TAOK1: variants seen among roughly 807,000 people sequenced by gnomAD.
TAOK1 encodes the protein TAO kinase 1.
In TAOK1, 21 loss-of-function variants were observed where a neutral mutation model predicts 138.3. The observed-to-expected ratio is 0.15, with a 90% CI of 0.11 to 0.22. TAOK1 has a LOEUF of 0.22. TAOK1 is among the 10% of genes least tolerant of loss of function. The probability of loss-of-function intolerance (pLI) is 1.00; values close to 1 mark genes in which losing one functional copy is unlikely to be tolerated. For missense variants in TAOK1, 651 were observed against 1,227.7 expected, an observed-to-expected ratio of 0.53 and a Z score of 7.02; for synonymous variants, 361 against 398.4, an observed-to-expected ratio of 0.91 and a Z score of 1.12.
At chr17:29,458,275 A>T (rs1197094061) in intron 2 of TAOK1, among the ~76,000 whole-genome samples, 1 of 152,246 alleles carries the variant, frequency 6.6e-6, no homozygotes, top group African/African-American at 2.4e-5. Context: ...TTTTGATTTC[A>T]GTAAATATCA....
intron 1 of TAOK1, among the ~76,000 whole-genome samples, chr17:29,432,016 G>A (rs531004672): frequency 1.6e-4 from 25 of 152,088 alleles, no homozygotes; most frequent in African/African-American, 5.3e-4. Context: ...GACCAGCTCC[G>A]TGTGCGGAGA....
At chr17:29,494,840 A>G (rs1450043057) in intron 10 of TAOK1, among the ~76,000 whole-genome samples, 1 of 151,824 alleles carries the variant, frequency 6.6e-6, no homozygotes, top group Non-Finnish European at 1.5e-5. Context: ...AAAAAAAAAA[A>G]AAAAAAAAGA....
Position 29,510,892 on chromosome 17 carries a change from A to G in TAOK1, c.1604A>G (p.Lys535Arg). ...EAKVMSNEEK[K>R]FQQHIQAQQK... ...AAAGTGATGTCCAATGAAGAGAAAA[A>G]ATTTCAGCAACATATTCAGGCCCAA... Residue 535 changes from lysine (K) to arginine (R), a missense_variant, in exon 15 of 20, where the codon AAA becomes AGA. By Grantham distance (26) the Lys-to-Arg change is conservative. Transcript: ENST00000261716. 1.2e-6 allele frequency: 2 copies of G among 1,604,846 alleles called. No homozygotes were observed. Among genetic ancestry groups the G allele is most frequent in the Non-Finnish European group, 1.7e-6 (2 of 1,176,532 alleles).
intron 3 of TAOK1, among the ~76,000 whole-genome samples, chr17:29,469,788 T>A (rs1189763752): frequency 6.6e-6 from 1 of 152,200 alleles, no homozygotes; most frequent in African/African-American, 2.4e-5. Flanking sequence ...GTTGGCGTCC[T>A]TCATGAAAAT....
intron 3 of TAOK1, among the ~76,000 whole-genome samples, chr17:29,475,427 A>G (rs2030923792): frequency 6.6e-6 from 1 of 152,012 alleles, no homozygotes; most frequent in Non-Finnish European, 1.5e-5. Context: ...GTAGACCCAA[A>G]TACTTGGGAG....
intron 8 of TAOK1, among the ~76,000 whole-genome samples, chr17:29,486,333 A>G (rs1276293406): frequency 6.6e-6 from 1 of 152,102 alleles, no homozygotes; most frequent in Non-Finnish European, 1.5e-5. Flanking sequence ...AAAATTTGAG[A>G]TAAAAAATAT....
chr17:29,431,803 A>ATTTTT (rs71360705), intron 1 of TAOK1, among the ~76,000 whole-genome samples: 3 of 113,054 alleles, frequency 2.7e-5, no homozygotes, highest in East Asian at 2.6e-4. Context: ...TGCCTGGCTA[A>ATTTTT]TTTTTTTTTT....
intron 13 of TAOK1, among the ~76,000 whole-genome samples, chr17:29,505,013 A>C (rs2031606049): frequency 6.6e-6 from 1 of 152,228 alleles, no homozygotes; most frequent in Non-Finnish European, 1.5e-5. Flanking sequence ...GTTCTCTCCC[A>C]AAGTTTGGCT....
At chr17:29,401,674 G>C (rs750869653) in intron 1 of TAOK1, among the ~76,000 whole-genome samples, 1 of 145,832 alleles carries the variant, frequency 6.9e-6, no homozygotes. Context: ...TTTTTTTTTT[G>C]AGACAGGGTT....
At chr17:29,437,242 T>C (rs547933454) in intron 1 of TAOK1, among the ~76,000 whole-genome samples, 1 of 151,972 alleles carries the variant, frequency 6.6e-6, no homozygotes, top group African/African-American at 2.4e-5. Context: ...TTTTGTATTT[T>C]TAGTAAAGAC....
At chr17:29,441,176 A>G (rs2029932176) in intron 1 of TAOK1, among the ~76,000 whole-genome samples, 1 of 152,178 alleles carries the variant, frequency 6.6e-6, no homozygotes, top group Admixed American at 6.5e-5. Flanking sequence ...CTTTGGTATC[A>G]AGGCACTACT....
Position 29,491,817 on chromosome 17 carries a change from C to A in TAOK1, c.783C>A (p.Cys261Ter). 6.2e-7 allele frequency: 1 copy of A among 1,613,696 alleles called. No homozygotes were observed. ...SDYFRNFVDS[C>*]LQKIPQDRPT... The stretch of plus-strand genomic sequence containing the variant: ...ATTTTCGCAACTTTGTAGATTCTTG[C>A]CTCCAGAAAATCCCTCAAGATCGAC... The change falls in exon 10 of 20, where the codon TGC becomes TGA. Residue 261 changes from cysteine (C) to a stop codon, truncating the protein, a stop_gained. Coordinates refer to ENST00000261716, the MANE Select transcript of TAOK1 (RefSeq NM_020791.4). LOFTEE classifies it high-confidence loss of function.
Position 29,513,064 on chromosome 17 carries a change from C to CG in TAOK1, c.1704+2072_1704+2073insG, listed in dbSNP as rs1336119811. On this transcript the variant is annotated intron_variant, in intron 15 of 19. Coordinates refer to ENST00000261716, the MANE Select transcript of TAOK1 (RefSeq NM_020791.4). Reference sequence around the variant, plus strand: ...ATGTCTTTTAATTTACCCACCCCCCCCCCCGTCTTATAGGATGATTGAAAT... The same window carrying CG: ...ATGTCTTTTAATTTACCCACCCCCCCGCCCCGTCTTATAGGATGATTGAAAT... The CG allele has an allele frequency of 2.4e-5, 3 of 127,054 alleles. No individual in the cohort carries two copies. The Admixed American group carries it at 2.7e-4, about 12-fold the overall frequency. The allele number at this position is 127,054 out of a possible 1,614,324, so 7.9% of individuals were successfully genotyped here.
chr17:29,475,122 G>T (rs985232972), intron 3 of TAOK1, among the ~76,000 whole-genome samples: 3 of 152,012 alleles, frequency 2.0e-5, no homozygotes, highest in Non-Finnish European at 4.4e-5. Context: ...TGTATTTTTA[G>T]TAGAGACACG....
intron 1 of TAOK1, among the ~76,000 whole-genome samples, chr17:29,431,855 G>A (rs2153022698): frequency 7.0e-6 from 1 of 141,928 alleles, no homozygotes; most frequent in Middle Eastern, 4.0e-3. Context: ...TGCCCAGGCT[G>A]GATTGCAGTG....
chr17:29,495,861 A>C, intron 11 of TAOK1, 134 bp downstream of exon 11: 1 of 727,620 alleles, frequency 1.4e-6, no homozygotes, highest in African/African-American at 1.8e-5. Context: ...GGTCCTATAA[A>C]ATCCCAGTTA....
intron 16 of TAOK1, among the ~76,000 whole-genome samples, chr17:29,520,299 C>A (rs1833317106): frequency 6.6e-6 from 1 of 152,016 alleles, no homozygotes. Flanking sequence ...TTAAAAATTT[C>A]TATGTACTGG....
At chr17:29,495,842 C>G in intron 11 of TAOK1, 115 bp downstream of exon 11, 1 of 856,932 alleles carries the variant, frequency 1.2e-6, no homozygotes. Context: ...GTTGTATTTT[C>G]TCAACACTGG....
intron 12 of TAOK1, among the ~76,000 whole-genome samples, chr17:29,501,156 A>G (rs923525853): frequency 4.0e-5 from 6 of 150,762 alleles, no homozygotes; most frequent in Non-Finnish European, 5.9e-5. Flanking sequence ...AGGCTGATTC[A>G]GGAGTATCAC....
Sources: gnomAD v4.1 joint callset for allele counts (sites outside exome capture counted in the v4.1 genomes callset) on GRCh38, gnomAD v4.1.1 for gene constraint, MANE v1.5 for transcripts, NCBI Gene and HGNC (gene_info 2026-07-23, HGNC 2026-07-21) for gene names.